Variants in MTUS2 observed in about 807,000 individuals in gnomAD.
The protein encoded by MTUS2 is microtubule associated scaffold protein 2, also known as microtubule-associated tumor suppressor candidate 2.
MTUS2 carries 40 observed loss-of-function variants against 114.1 expected under a neutral mutation model. The ratio of observed to expected loss-of-function variants is 0.35; its 90% CI spans 0.27 to 0.46. MTUS2 has a LOEUF of 0.46. Ranked by LOEUF, MTUS2 falls within the 20% of genes least tolerant of loss-of-function variation. The probability of loss-of-function intolerance (pLI) is 1.00; values close to 1 mark genes in which losing one functional copy is unlikely to be tolerated. For synonymous variants in MTUS2, 688 were observed against 672.0 expected, an observed-to-expected ratio of 1.02 and a Z score of -0.37; for missense variants, 1,679 against 1,705.4, an observed-to-expected ratio of 0.98 and a Z score of 0.27.
intron 2 of MTUS2, among the ~76,000 whole-genome samples, chr13:28,938,105 C>T (rs1882011126): frequency 6.6e-6 from 1 of 152,156 alleles, no homozygotes; most frequent in African/African-American, 2.4e-5. Flanking sequence ...AATGTCTTGG[C>T]CGGGTGCGGT....
chr13:29,079,601 G>T (rs556896487), intron 4 of MTUS2, among the ~76,000 whole-genome samples: 2 of 152,258 alleles, frequency 1.3e-5, no homozygotes, highest in South Asian at 4.1e-4. Context: ...ATGAATAGGG[G>T]TCTAGCTTTC....
chr13:29,327,850 A>AGTT (rs1199531709), intron 7 of MTUS2, among the ~76,000 whole-genome samples: 1 of 152,214 alleles, frequency 6.6e-6, no homozygotes, highest in Non-Finnish European at 1.5e-5. Flanking sequence ...CATTTTCAAC[A>AGTT]GTTGTATATG....
chr13:29,232,972 G>T (rs1280382309), intron 5 of MTUS2, among the ~76,000 whole-genome samples: 2 of 152,136 alleles, frequency 1.3e-5, no homozygotes, highest in Non-Finnish European at 2.9e-5. Context: ...AATGTTCAGA[G>T]TCTCCTGTCC....
intron 2 of MTUS2, among the ~76,000 whole-genome samples, chr13:28,869,875 A>T (rs1403474850): frequency 6.6e-6 from 1 of 152,208 alleles, no homozygotes; most frequent in Non-Finnish European, 1.5e-5. Flanking sequence ...AATTTTTGTT[A>T]CTGTCAGATA....
intron 2 of MTUS2, among the ~76,000 whole-genome samples, chr13:28,984,939 T>C (rs1566270318): frequency 6.6e-6 from 1 of 152,256 alleles, no homozygotes; most frequent in Non-Finnish European, 1.5e-5. Flanking sequence ...AGCTTTTAGA[T>C]CTTTTGGCAT....
At chr13:29,333,779 C>T (rs945499102) in intron 7 of MTUS2, among the ~76,000 whole-genome samples, 1 of 152,132 alleles carries the variant, frequency 6.6e-6, no homozygotes, top group Non-Finnish European at 1.5e-5. Flanking sequence ...CTAATATTGA[C>T]AGTGGGGTGT....
intron 5 of MTUS2, among the ~76,000 whole-genome samples, chr13:29,277,578 G>A (rs893431088): frequency 1.3e-5 from 2 of 152,202 alleles, no homozygotes; most frequent in African/African-American, 4.8e-5. Flanking sequence ...CCAATGAAAC[G>A]GAATAGAGAA....
In MTUS2 at chr13:29,502,987, A is replaced by G. The variant is rs200471010; in HGVS notation, c.3897-6A>G. 1.8e-3 allele frequency: 2,901 copies of G among 1,613,780 alleles called. 9 individuals are homozygous for G. Among genetic ancestry groups the G allele is most frequent in the Non-Finnish European group, 1.9e-3 (2,205 of 1,179,866 alleles). ...TTGCTACTTATTTGTCATTGTGCCC[A>G]TGCAGACAGCTGTCGGAGGAAAATG... is the stretch of plus-strand genomic sequence containing the variant. On this transcript the variant is annotated splice_region_variant and splice_polypyrimidine_tract_variant and intron_variant, in intron 15 of 15. Coordinates refer to ENST00000612955, the MANE Select transcript of MTUS2 (RefSeq NM_001033602.4).
chr13:29,195,647 A>G lies in MTUS2; in HGVS notation c.2645-86057A>G, dbSNP rs543349027. Among the ~76,000 whole-genome samples the G allele has an allele frequency of 3.9e-4, 60 of 152,030 alleles. No homozygotes were observed. The South Asian group carries it at 4.2e-3, about 11-fold the overall frequency. Reference sequence around the variant, plus strand: ...TCAAGCACCAAAAGAAAGGAAAGCCAGACGCCCTGTGGAGGCCAAGGGAAG... The same window carrying G: ...TCAAGCACCAAAAGAAAGGAAAGCCGGACGCCCTGTGGAGGCCAAGGGAAG... On this transcript the variant is annotated intron_variant, in intron 5 of 15. Transcript: ENST00000612955.
intron 6 of MTUS2, among the ~76,000 whole-genome samples, chr13:29,291,570 C>G (rs1378657695): frequency 6.6e-6 from 1 of 152,220 alleles, no homozygotes; most frequent in African/African-American, 2.4e-5. Flanking sequence ...CCCCTGGTGG[C>G]TCTGCCTTTT....
chr13:28,919,033 G>A (rs1180789029), intron 2 of MTUS2, among the ~76,000 whole-genome samples: 2 of 151,922 alleles, frequency 1.3e-5, no homozygotes, highest in African/African-American at 4.8e-5. Context: ...ATTCTGTGTT[G>A]TAAAGTTTTT....
chr13:29,396,089 G>C (rs1873896364), intron 8 of MTUS2, among the ~76,000 whole-genome samples: 1 of 152,158 alleles, frequency 6.6e-6, no homozygotes, highest in South Asian at 2.1e-4. Context: ...TAAGTCACCG[G>C]CATTTGTTGG....
chr13:28,930,811 G>A (rs1421327532), intron 2 of MTUS2, among the ~76,000 whole-genome samples: 1 of 152,192 alleles, frequency 6.6e-6, no homozygotes, highest in African/African-American at 2.4e-5. Context: ...ACCAGAGGGA[G>A]GACATTCCTA....
Position 29,102,315 on chromosome 13 carries a change from TTATCA to T in MTUS2, c.2644+1349_2644+1353del. The stretch of plus-strand genomic sequence containing the variant: ...AGAGAAAGTAGTATGAAGGAAAAAC[TTATCA>T]TATGATATATATCTTTCCAACAAAG... On this transcript the variant is annotated intron_variant, in intron 5 of 15. Transcript: ENST00000612955. 1.3e-5 allele frequency among the ~76,000 whole-genome samples: 2 copies of T among 152,324 alleles called. 1 individual carries two copies. Among genetic ancestry groups the T allele is most frequent in the Middle Eastern group, 6.8e-3 (2 of 294 alleles).
At chr13:29,131,501 G>C (rs1318754839) in intron 5 of MTUS2, among the ~76,000 whole-genome samples, 1 of 152,264 alleles carries the variant, frequency 6.6e-6, no homozygotes. Context: ...AGCTCAGGAG[G>C]ACTTGGCGTG....
chr13:29,110,669 AT>A (rs1259153066), intron 5 of MTUS2, among the ~76,000 whole-genome samples: 6 of 151,268 alleles, frequency 4.0e-5, no homozygotes, highest in African/African-American at 9.7e-5. Flanking sequence ...AAAGGAGAAC[AT>A]TTTTTTTTCT....
intron 7 of MTUS2, among the ~76,000 whole-genome samples, chr13:29,345,622 T>C (rs1868587542): frequency 6.6e-6 from 1 of 152,098 alleles, no homozygotes; most frequent in African/African-American, 2.4e-5. Flanking sequence ...ATGTGTGGCT[T>C]CATACTCAAA....
chr13:29,277,091 A>T (rs1190014770), intron 5 of MTUS2, among the ~76,000 whole-genome samples: 1 of 152,152 alleles, frequency 6.6e-6, no homozygotes, highest in Admixed American at 6.5e-5. Context: ...AAACAGAGGT[A>T]TTGACAGTGC....
chr13:29,390,991 C>T (rs113264493), intron 8 of MTUS2, among the ~76,000 whole-genome samples: 5,879 of 152,074 alleles, frequency 0.039, 404 homozygotes, highest in African/African-American at 0.13. Flanking sequence ...CCATATTGGT[C>T]GGGCTGGTCT....
Sources: allele counts gnomAD v4.1 joint callset (sites outside exome capture counted in the v4.1 genomes callset), GRCh38; gene constraint gnomAD v4.1.1; transcripts MANE v1.5; gene names NCBI Gene and HGNC (gene_info 2026-07-23, HGNC 2026-07-21).